PTGER3: variants seen among roughly 807,000 people sequenced by gnomAD.
PTGER3 encodes prostaglandin E2 receptor EP3 subtype.
PTGER3 carries 22 observed loss-of-function variants against 34.7 expected under a neutral mutation model. That is an observed-to-expected ratio of 0.63 (90% confidence interval 0.45 to 0.91). PTGER3 has a LOEUF of 0.91. Among genes scored for constraint, PTGER3 ranks in the 40% least tolerant of loss-of-function variants. PTGER3 has a pLI of 0.00. For missense variants in PTGER3, 468 were observed against 519.4 expected (o/e 0.90, Z 0.96); for synonymous variants, 241 against 230.1 (o/e 1.05, Z -0.43).
At chr1:70,968,529 A>C (rs950462991), downstream of PTGER3, among the ~76,000 whole-genome samples, 45 of 152,120 alleles carry the variant, frequency 3.0e-4, no homozygotes, top group African/African-American at 1.1e-3. Context: ...GCTACTTGTT[A>C]AAAACCAGTG....
intron 2 of PTGER3, among the ~76,000 whole-genome samples, chr1:70,993,211 C>T (rs1332335769): frequency 2.0e-5 from 3 of 152,166 alleles, no homozygotes; most frequent in Non-Finnish European, 2.9e-5. Context: ...TACTGTCCTA[C>T]GTTTGTTACA....
chr1:70,922,178 G>A (rs913256129), intron 4 of PTGER3, among the ~76,000 whole-genome samples: 1 of 151,998 alleles, frequency 6.6e-6, no homozygotes, highest in Non-Finnish European at 1.5e-5. Flanking sequence ...TAATGCCTGG[G>A]GACATGTGAA....
At chr1:70,988,441 C>T (rs1279266540) in intron 2 of PTGER3, among the ~76,000 whole-genome samples, 2 of 152,152 alleles carry the variant, frequency 1.3e-5, no homozygotes, top group Non-Finnish European at 2.9e-5. Context: ...GCTGTGGCAA[C>T]GTGACCAAAT....
intron 4 of PTGER3, among the ~76,000 whole-genome samples, chr1:70,863,810 T>C (rs1290625620): frequency 6.6e-6 from 1 of 151,870 alleles, no homozygotes; most frequent in Non-Finnish European, 1.5e-5. Context: ...GTGGAGAATA[T>C]CAAGTAGTTC....
intron 1 of PTGER3, among the ~76,000 whole-genome samples, chr1:71,042,168 G>T (rs1660374456): frequency 6.6e-6 from 1 of 151,602 alleles, no homozygotes; most frequent in African/African-American, 2.4e-5. Flanking sequence ...ACTCAAAAGA[G>T]TGAAGTCCTC....
chr1:71,044,274 TA>T (rs1321141456), intron 1 of PTGER3, among the ~76,000 whole-genome samples: 3 of 151,398 alleles, frequency 2.0e-5, no homozygotes, highest in South Asian at 4.2e-4. Flanking sequence ...CCATCTCTAC[TA>T]AAAATACAAA....
At chr1:71,022,130 T>A (rs1388992520) in intron 1 of PTGER3, among the ~76,000 whole-genome samples, 1 of 151,894 alleles carries the variant, frequency 6.6e-6, no homozygotes, top group Non-Finnish European at 1.5e-5. Context: ...ACAATACACA[T>A]GCTATTTTTT....
At chr1:70,869,457 A>G (rs901421674) in intron 4 of PTGER3, 3 of 301,002 alleles carry the variant, frequency 1.0e-5, no homozygotes, top group African/African-American at 2.2e-5. Context: ...TCTCAATAGT[A>G]CCCCCAAATC....
chr1:70,887,621 C>T (rs1378984301), intron 4 of PTGER3, among the ~76,000 whole-genome samples: 3 of 138,986 alleles, frequency 2.2e-5, no homozygotes, highest in South Asian at 4.6e-4. Flanking sequence ...CCTATATATA[C>T]TTATTTTTCA....
intron 2 of PTGER3, among the ~76,000 whole-genome samples, chr1:70,995,919 A>T (rs955311643): frequency 5.9e-5 from 9 of 152,132 alleles, no homozygotes; most frequent in African/African-American, 2.2e-4. Flanking sequence ...GTATTATCTC[A>T]TTTCCTTGCT....
intron 1 of PTGER3, among the ~76,000 whole-genome samples, chr1:71,041,902 C>T (rs2100996847): frequency 6.6e-6 from 1 of 152,300 alleles, no homozygotes; most frequent in East Asian, 1.9e-4. Context: ...ACTTAGCACC[C>T]AGTATCCCTC....
At chr1:70,991,768 G>A (rs1019662318) in intron 2 of PTGER3, among the ~76,000 whole-genome samples, 2 of 152,234 alleles carry the variant, frequency 1.3e-5, no homozygotes, top group East Asian at 3.9e-4. Flanking sequence ...TAAGTGGCTA[G>A]AGGTAATGGA....
intron 2 of PTGER3, chr1:71,006,348 A>T: frequency 1.0e-6 from 1 of 985,408 alleles, no homozygotes; most frequent in Non-Finnish European, 1.2e-6. Flanking sequence ...CCCTTCATTG[A>T]AGAAGGAAGA....
chr1:70,886,204 C>T, intron 4 of PTGER3: 1 of 378,296 alleles, frequency 2.6e-6, no homozygotes, highest in South Asian at 2.0e-5. Flanking sequence ...GCTTGCTTCC[C>T]TTCTCTGTTT....
At chr1:71,011,597 G>C (rs1657452480) in intron 2 of PTGER3, 1 of 984,612 alleles carries the variant, frequency 1.0e-6, no homozygotes, top group Non-Finnish European at 1.2e-6. Flanking sequence ...AATGGAATTG[G>C]TTCTTATTCA....
At chr1:70,938,126 G>A (rs147659873) in intron 4 of PTGER3, among the ~76,000 whole-genome samples, 24 of 152,218 alleles carry the variant, frequency 1.6e-4, no homozygotes, top group African/African-American at 5.5e-4. Context: ...AGGTGTCAAT[G>A]TCAATTTTAG....
chr1:70,996,726 A>T (rs1340012967), intron 2 of PTGER3, among the ~76,000 whole-genome samples: 1 of 137,910 alleles, frequency 7.3e-6, no homozygotes, highest in Non-Finnish European at 1.5e-5. Flanking sequence ...TGCAGTGGCG[A>T]GATCTCGGCT....
chr1:70,940,462 G>T (rs556749400), intron 4 of PTGER3, among the ~76,000 whole-genome samples: 3 of 152,194 alleles, frequency 2.0e-5, no homozygotes, highest in African/African-American at 7.2e-5. Flanking sequence ...TACTGTATTA[G>T]TCTGTTTTTA....
At chr1:71,018,932 T>C (rs1182855877) in intron 1 of PTGER3, among the ~76,000 whole-genome samples, 1 of 152,152 alleles carries the variant, frequency 6.6e-6, no homozygotes, top group Non-Finnish European at 1.5e-5. Flanking sequence ...CCAGAAATCA[T>C]GAGATGTGCA....
Sources: allele counts gnomAD v4.1 joint callset (sites outside exome capture counted in the v4.1 genomes callset), GRCh38; gene constraint gnomAD v4.1.1; transcripts MANE v1.5; gene names NCBI Gene and HGNC (gene_info 2026-07-23, HGNC 2026-07-21).